MED12L: variants seen among roughly 807,000 people sequenced by gnomAD.
MED12L encodes the protein mediator of RNA polymerase II transcription subunit 12-like protein.
In MED12L, 60 loss-of-function variants were observed where a neutral mutation model predicts 281.3. That is an observed-to-expected ratio of 0.21 (90% confidence interval 0.17 to 0.26). MED12L has a LOEUF of 0.26. Ranked by LOEUF, MED12L falls within the 10% of genes least tolerant of loss-of-function variation. The pLI is 1.00. For synonymous variants in MED12L, 974 were observed against 987.2 expected (o/e 0.99, Z 0.25); for missense variants, 2,146 against 2,680.9 (o/e 0.80, Z 4.41).
intron 16 of MED12L, among the ~76,000 whole-genome samples, chr3:151,284,728 C>G (rs1743245398): frequency 6.6e-6 from 1 of 152,180 alleles, no homozygotes; most frequent in African/African-American, 2.4e-5. Flanking sequence ...TCTGCCTCAG[C>G]CTCCCAAGTG....
intron 11 of MED12L, among the ~76,000 whole-genome samples, chr3:151,178,386 T>C (rs1722333784): frequency 1.4e-5 from 2 of 144,334 alleles, no homozygotes; most frequent in Admixed American, 1.3e-4. Context: ...ATGTGCATGT[T>C]ACATAGGAGT....
chr3:151,325,074 A>G (rs2149840827), intron 16 of MED12L, among the ~76,000 whole-genome samples: 1 of 152,338 alleles, frequency 6.6e-6, no homozygotes, highest in South Asian at 2.1e-4. Context: ...AAGTTATGAA[A>G]GGCAAAAGCT....
chr3:151,147,795 AT>A (rs1285223712), intron 5 of MED12L, among the ~76,000 whole-genome samples: 13 of 152,206 alleles, frequency 8.5e-5, no homozygotes, highest in Non-Finnish European at 1.8e-4. Flanking sequence ...CTTTTTGGTT[AT>A]AATGAACATC....
intron 16 of MED12L, among the ~76,000 whole-genome samples, chr3:151,321,516 T>TA (rs983377370): frequency 2.0e-5 from 3 of 152,232 alleles, no homozygotes; most frequent in East Asian, 1.9e-4. Context: ...ATATTTTTTT[T>TA]AAAAAACCCA....
chr3:151,262,524 C>T (rs1203886255), intron 16 of MED12L, among the ~76,000 whole-genome samples: 1 of 152,126 alleles, frequency 6.6e-6, no homozygotes, highest in Non-Finnish European at 1.5e-5. Context: ...TTTGGAGGTC[C>T]CTGTGCCAGC....
chr3:151,197,370 GC>G (rs1724810469), intron 16 of MED12L, among the ~76,000 whole-genome samples: 2 of 152,172 alleles, frequency 1.3e-5, no homozygotes, highest in East Asian at 3.9e-4. Flanking sequence ...CATCATGTGG[GC>G]CAGGCTAATC....
chr3:151,237,434 C>T (rs1191247128), intron 16 of MED12L, among the ~76,000 whole-genome samples: 10 of 146,898 alleles, frequency 6.8e-5, no homozygotes, highest in Non-Finnish European at 1.2e-4. Context: ...ACTGCAACCT[C>T]CACCTCCTGG....
chr3:151,421,786 TTATAAA>T (rs1359980311), intron 43 of MED12L, among the ~76,000 whole-genome samples: 2 of 152,262 alleles, frequency 1.3e-5, no homozygotes, highest in Non-Finnish European at 2.9e-5. Flanking sequence ...ATTGTATGTA[TTATAAA>T]TATATTTATT....
At chr3:151,317,972 T>A (rs989817909) in intron 16 of MED12L, among the ~76,000 whole-genome samples, 3 of 152,184 alleles carry the variant, frequency 2.0e-5, no homozygotes, top group African/African-American at 7.2e-5. Context: ...TTTACTTGTG[T>A]CTTAAGGAAA....
chr3:151,384,295 T>C lies in MED12L; in HGVS notation c.4926+77T>C, dbSNP rs3732766. On this transcript the variant is annotated intron_variant, in intron 35 of 44. Transcript: ENST00000687756. ...TATCTAGTGCATTTTAATTTATTAC[T>C]CATTAAATGTTATTAATTGTATTCA... The C allele has an allele frequency of 9.0e-3, 12,053 of 1,345,778 alleles. 810 individuals carry two copies. The Admixed American group carries it at 0.12, about 14-fold the overall frequency. 83.4% of individuals were successfully genotyped at this position (1,345,778 alleles called of 1,614,324 possible). A position where few individuals can be genotyped will look rare whatever the true frequency, so the allele number is the denominator to read the frequency against.
At chr3:151,092,622 A>G (rs772800151) in intron 2 of MED12L, among the ~76,000 whole-genome samples, 2 of 152,248 alleles carry the variant, frequency 1.3e-5, no homozygotes, top group African/African-American at 2.4e-5. Context: ...TTTTAGAGGC[A>G]GCTGGGGAAG....
intron 16 of MED12L, among the ~76,000 whole-genome samples, chr3:151,349,785 GC>G (rs1311327731): frequency 6.6e-6 from 1 of 151,538 alleles, no homozygotes; most frequent in Non-Finnish European, 1.5e-5. Context: ...TTTTTCAATA[GC>G]CAAAACTTAC....
chr3:151,352,496 G>A (rs1753357838), intron 17 of MED12L, among the ~76,000 whole-genome samples: 2 of 152,166 alleles, frequency 1.3e-5, no homozygotes. Context: ...CTTAGTGTAA[G>A]CACCAGAAAT....
intron 12 of MED12L, among the ~76,000 whole-genome samples, chr3:151,187,773 C>T (rs1163990824): frequency 6.6e-6 from 1 of 152,140 alleles, no homozygotes; most frequent in Non-Finnish European, 1.5e-5. Flanking sequence ...ATTATGTTAG[C>T]CTTCTCATTT....
chr3:151,406,636 T>G (rs1006932289), intron 39 of MED12L, among the ~76,000 whole-genome samples: 1 of 152,172 alleles, frequency 6.6e-6, no homozygotes, highest in African/African-American at 2.4e-5. Context: ...GACATAAAGG[T>G]GGAAAATGTT....
At chr3:151,373,329 A>T (rs1756412661) in intron 27 of MED12L, among the ~76,000 whole-genome samples, 1 of 152,148 alleles carries the variant, frequency 6.6e-6, no homozygotes, top group African/African-American at 2.4e-5. Flanking sequence ...TTGCACCTCA[A>T]GGGTGATGTT....
intron 11 of MED12L, among the ~76,000 whole-genome samples, chr3:151,166,706 C>G (rs534502441): frequency 1.3e-5 from 2 of 151,522 alleles, no homozygotes; most frequent in South Asian, 4.2e-4. Context: ...GACAGAGTCT[C>G]ACACTGTCAC....
At chr3:151,214,434 A>G (rs1301416050) in intron 16 of MED12L, 1 of 832,438 alleles carries the variant, frequency 1.2e-6, no homozygotes, top group East Asian at 2.5e-5. Flanking sequence ...ATATAGTCAA[A>G]CCTACCAAAT....
intron 38 of MED12L, among the ~76,000 whole-genome samples, chr3:151,394,034 A>G (rs1338650792): frequency 6.6e-6 from 1 of 152,222 alleles, no homozygotes; most frequent in Non-Finnish European, 1.5e-5. Flanking sequence ...ACAAATATGT[A>G]AAGGATTTCC....
Sources: allele counts gnomAD v4.1 joint callset (sites outside exome capture counted in the v4.1 genomes callset), GRCh38; gene constraint gnomAD v4.1.1; transcripts MANE v1.5; gene names NCBI Gene and HGNC (gene_info 2026-07-23, HGNC 2026-07-21).